SYT14: variants seen among roughly 807,000 people sequenced by gnomAD.
The protein encoded by SYT14 is synaptotagmin 14, also known as synaptotagmin-14.
A neutral mutation model predicts 74.2 loss-of-function variants in SYT14; 32 were observed. The observed-to-expected ratio is 0.43, with a 90% CI of 0.33 to 0.58. The LOEUF (loss-of-function observed/expected upper bound fraction) is 0.58. Ranked by LOEUF, SYT14 falls within the 20% of genes least tolerant of loss-of-function variation. The probability of loss-of-function intolerance (pLI) is 0.05; values close to 1 mark genes in which losing one functional copy is unlikely to be tolerated. For missense variants in SYT14, 791 were observed against 981.8 expected, an observed-to-expected ratio of 0.81 and a Z score of 2.60; for synonymous variants, 298 against 337.7, an observed-to-expected ratio of 0.88 and a Z score of 1.29.
rs183862263 is a variant in SYT14 at position 210,072,084 on chromosome 1, T to G, written c.1313-22238T>G. Reference sequence around the variant, plus strand: ...TCATTTTCTATTCAATAATTTGATGTCTATTCAGATTTTTTAAAATAATTA... The same window carrying G: ...TCATTTTCTATTCAATAATTTGATGGCTATTCAGATTTTTTAAAATAATTA... On this transcript the variant is annotated intron_variant, in intron 5 of 9. Coordinates refer to ENST00000637265, the Ensembl canonical transcript of SYT14. Among the ~76,000 whole-genome samples, 371 of 151,282 alleles carry G rather than the reference T, an allele frequency of 2.5e-3. 1 individual carries two copies. The highest frequency in any genetic ancestry group is 8.6e-3 in the African/African-American group (355 of 41,472).
At chr1:209,957,340 G>T (rs1208438972) in intron 2 of SYT14, among the ~76,000 whole-genome samples, 3 of 152,056 alleles carry the variant, frequency 2.0e-5, no homozygotes, top group African/African-American at 7.2e-5. Context: ...GATTTGGTAA[G>T]TTTTCTGTTT....
At chr1:209,967,852 G>T (rs2079179309) in intron 2 of SYT14, among the ~76,000 whole-genome samples, 1 of 151,710 alleles carries the variant, frequency 6.6e-6, no homozygotes, top group Non-Finnish European at 1.5e-5. Context: ...CTAACTTAGG[G>T]TTTTATTAGC....
chr1:210,118,827 C>T (rs144136610), intron 7 of SYT14, among the ~76,000 whole-genome samples: 20 of 152,156 alleles, frequency 1.3e-4, no homozygotes, highest in African/African-American at 4.8e-4. Flanking sequence ...TGAACAGTAA[C>T]ATTGAGTGAG....
intron 2 of SYT14, among the ~76,000 whole-genome samples, chr1:209,979,560 G>T (rs977627688): frequency 2.0e-5 from 3 of 151,920 alleles, no homozygotes; most frequent in African/African-American, 7.3e-5. Context: ...TAGGTATTAA[G>T]CCCAGCATCC....
At chr1:210,019,151 AAAAG>A (rs2080251071) in intron 4 of SYT14, among the ~76,000 whole-genome samples, 1 of 151,314 alleles carries the variant, frequency 6.6e-6, no homozygotes, top group African/African-American at 2.4e-5. Context: ...AAAAAAAAAA[AAAAG>A]GAGAAAGGGT....
At chr1:210,162,141 AAC>A (rs1279724819) in exon 10 of SYT14, 4 of 439,016 alleles carry the variant, frequency 9.1e-6, no homozygotes, top group African/African-American at 6.0e-5. Flanking sequence ...TCATGTTAAA[AAC>A]AGTTATGAGA....
At chr1:209,990,599 A>G (rs1441098167) in intron 2 of SYT14, among the ~76,000 whole-genome samples, 4 of 115,864 alleles carry the variant, frequency 3.5e-5, no homozygotes, top group Non-Finnish European at 5.4e-5. Flanking sequence ...TTAATGAAAT[A>G]AAGTGTGTTG....
At chr1:210,080,639 A>G (rs2081599597) in intron 5 of SYT14, among the ~76,000 whole-genome samples, 1 of 152,236 alleles carries the variant, frequency 6.6e-6, no homozygotes, top group African/African-American at 2.4e-5. Flanking sequence ...CTGCATTTCA[A>G]GCAAGTTGCT....
intron 5 of SYT14, among the ~76,000 whole-genome samples, chr1:210,040,220 G>A (rs1018207889): frequency 6.6e-6 from 1 of 152,136 alleles, no homozygotes; most frequent in Non-Finnish European, 1.5e-5. Context: ...CCTTTGCAGG[G>A]ACATGGATGA....
At chr1:209,969,354 T>G (rs1392767620) in intron 2 of SYT14, among the ~76,000 whole-genome samples, 1 of 152,162 alleles carries the variant, frequency 6.6e-6, no homozygotes, top group African/African-American at 2.4e-5. Flanking sequence ...TAATTTACAT[T>G]ACCATCCACA....
At chr1:209,970,750 C>T (rs1437785809) in intron 2 of SYT14, among the ~76,000 whole-genome samples, 2 of 135,986 alleles carry the variant, frequency 1.5e-5, no homozygotes, top group Non-Finnish European at 3.0e-5. Flanking sequence ...GGCACAGTCT[C>T]GGCTCACTGC....
intron 2 of SYT14, among the ~76,000 whole-genome samples, chr1:210,004,936 A>C (rs1386846545): frequency 6.6e-6 from 1 of 152,002 alleles, no homozygotes; most frequent in East Asian, 1.9e-4. Context: ...ATGCATTGAG[A>C]ATGCAAGTGA....
chr1:210,124,800 AGT>A (rs1313717187), intron 7 of SYT14, among the ~76,000 whole-genome samples: 4 of 152,132 alleles, frequency 2.6e-5, no homozygotes, highest in Non-Finnish European at 4.4e-5. Flanking sequence ...ACTATCCCAA[AGT>A]CACTGTGTTA....
intron 1 of SYT14, among the ~76,000 whole-genome samples, chr1:209,949,459 G>A (rs754146846): frequency 2.0e-5 from 3 of 151,912 alleles, no homozygotes; most frequent in Non-Finnish European, 4.4e-5. Context: ...TGTAGTCCCA[G>A]CTACTCGGGA....
chr1:209,967,329 T>C (rs994076765), intron 2 of SYT14, among the ~76,000 whole-genome samples: 2 of 152,138 alleles, frequency 1.3e-5, no homozygotes, highest in African/African-American at 4.8e-5. Context: ...AGAGAATGAA[T>C]TGGGAAGTAT....
At chr1:209,964,028 T>TA (rs2079116280) in intron 2 of SYT14, among the ~76,000 whole-genome samples, 1 of 152,192 alleles carries the variant, frequency 6.6e-6, no homozygotes, top group Admixed American at 6.5e-5. Context: ...GGGTCAGTGA[T>TA]ATGGTTTGGC....
intron 2 of SYT14, among the ~76,000 whole-genome samples, chr1:209,965,682 C>G (rs182540715): frequency 2.6e-5 from 4 of 152,022 alleles, no homozygotes; most frequent in African/African-American, 9.7e-5. Context: ...ATCAACAGTC[C>G]GTAAGCATTC....
chr1:210,114,672 G>A (rs2082324810), intron 7 of SYT14, among the ~76,000 whole-genome samples: 1 of 151,166 alleles, frequency 6.6e-6, no homozygotes, highest in Non-Finnish European at 1.5e-5. Flanking sequence ...GTCGGATAAA[G>A]AAAAAGGAGC....
chr1:209,980,550 A>G (rs927239216), intron 2 of SYT14, among the ~76,000 whole-genome samples: 2 of 152,170 alleles, frequency 1.3e-5, no homozygotes, highest in African/African-American at 4.8e-5. Context: ...GGTATTGCCT[A>G]GATTTTCTTC....
Sources: gnomAD v4.1 joint callset for allele counts (sites outside exome capture counted in the v4.1 genomes callset) on GRCh38, gnomAD v4.1.1 for gene constraint, MANE v1.5 for transcripts, NCBI Gene and HGNC (gene_info 2026-07-23, HGNC 2026-07-21) for gene names.